Variants in GABRA1 observed in about 807,000 individuals in gnomAD.
The protein encoded by GABRA1 is gamma-aminobutyric acid receptor subunit alpha-1.
Under a neutral mutation model 48.9 loss-of-function variants are expected in GABRA1, and 9 were observed. The ratio of observed to expected loss-of-function variants is 0.18; its 90% CI spans 0.11 to 0.32. The LOEUF (loss-of-function observed/expected upper bound fraction) is 0.32, where lower values mean the gene tolerates loss of function less well. Among genes scored for constraint, GABRA1 ranks in the 10% least tolerant of loss-of-function variants. GABRA1 has a pLI of 1.00. For missense variants in GABRA1, 285 were observed against 553.8 expected, an observed-to-expected ratio of 0.51 and a Z score of 4.87; for synonymous variants, 210 against 198.7, an observed-to-expected ratio of 1.06 and a Z score of -0.48.
At chr5:161,885,804 C>G (rs1023013144) in intron 7 of GABRA1, among the ~76,000 whole-genome samples, 1 of 152,060 alleles carries the variant, frequency 6.6e-6, no homozygotes, top group Non-Finnish European at 1.5e-5. Flanking sequence ...AATAGGCAAA[C>G]GGGAAAGATG....
chr5:161,878,196 T>C (rs984884136), intron 6 of GABRA1, among the ~76,000 whole-genome samples: 1 of 152,148 alleles, frequency 6.6e-6, no homozygotes, highest in Non-Finnish European at 1.5e-5. Context: ...CTGTTTAAGC[T>C]TCAGAAAAGA....
intron 4 of GABRA1, among the ~76,000 whole-genome samples, chr5:161,869,826 A>G (rs1323293389): frequency 6.6e-6 from 1 of 152,040 alleles, no homozygotes; most frequent in East Asian, 1.9e-4. Flanking sequence ...GGAGAGGTTT[A>G]CCTTTGTCCA....
chr5:161,857,224 T>C (rs1757684356), intron 3 of GABRA1, among the ~76,000 whole-genome samples: 1 of 151,410 alleles, frequency 6.6e-6, no homozygotes. Context: ...ATGACAAAAG[T>C]CTTTTTTTAT....
chr5:161,857,018 C>T (rs2113319084), intron 3 of GABRA1, among the ~76,000 whole-genome samples: 1 of 151,062 alleles, frequency 6.6e-6, no homozygotes, highest in Non-Finnish European at 1.5e-5. Flanking sequence ...CAGTAGATCC[C>T]AATTGCAAAA....
intron 4 of GABRA1, among the ~76,000 whole-genome samples, chr5:161,869,823 T>C (rs2113369131): frequency 6.6e-6 from 1 of 152,096 alleles, no homozygotes; most frequent in Admixed American, 6.6e-5. Context: ...TTAGGAGAGG[T>C]TTACCTTTGT....
intron 3 of GABRA1, among the ~76,000 whole-genome samples, chr5:161,858,599 A>G (rs991813779): frequency 1.3e-5 from 2 of 151,738 alleles, no homozygotes; most frequent in South Asian, 4.1e-4. Flanking sequence ...TCTTCTGTAC[A>G]TATGCTCATT....
intron 8 of GABRA1, among the ~76,000 whole-genome samples, chr5:161,892,858 G>C (rs1008244762): frequency 6.6e-6 from 1 of 151,738 alleles, no homozygotes; most frequent in Non-Finnish European, 1.5e-5. Flanking sequence ...CAAAAAATTA[G>C]CTGGGTGTAG....
chr5:161,884,177 C>T (rs1268236176), intron 7 of GABRA1, among the ~76,000 whole-genome samples: 1 of 152,020 alleles, frequency 6.6e-6, no homozygotes, highest in Non-Finnish European at 1.5e-5. Context: ...TCCTGAAATA[C>T]CCCAGAACAT....
chr5:161,874,891 A>G (rs770512895), intron 5 of GABRA1, among the ~76,000 whole-genome samples: 1 of 152,140 alleles, frequency 6.6e-6, no homozygotes, highest in African/African-American at 2.4e-5. Flanking sequence ...CCAAAAAAAA[A>G]CAAAACAAAA....
At chr5:161,876,322 T>C (rs1313907107) in intron 6 of GABRA1, among the ~76,000 whole-genome samples, 4 of 152,068 alleles carry the variant, frequency 2.6e-5, no homozygotes, top group Non-Finnish European at 4.4e-5. Context: ...GAGAGTCAGG[T>C]TCTCCGGTCT....
At chr5:161,875,442 C>A (rs1026619191) in intron 5 of GABRA1, 118 bp from the exon 6 acceptor site, 1 of 807,368 alleles carries the variant, frequency 1.2e-6, no homozygotes, top group South Asian at 1.4e-5. Context: ...CTCAGCATAA[C>A]CCTGCAATTA....
chr5:161,854,242 T>C lies in GABRA1; in HGVS notation c.159T>C (p.Tyr53=), dbSNP rs775714231. ...TRILDRLLDG[Y]DNRLRPGLGE... is the part of the protein sequence containing the mutation. ...TTTTGGACAGACTCCTAGATGGTTA[T>C]GACAATCGCCTGAGACCAGGATTGG... is the stretch of plus-strand genomic sequence containing the variant. Residue 53 remains tyrosine (Y), a synonymous_variant, in exon 3 of 10, where the codon TAT becomes TAC. Transcript: ENST00000393943. 1.9e-6 allele frequency: 3 copies of C among 1,598,106 alleles called. No homozygotes were observed. The highest frequency in any genetic ancestry group is 2.6e-6 in the Non-Finnish European group (3 of 1,165,644).
At chr5:161,894,620 A>G (rs1337363017) in intron 8 of GABRA1, among the ~76,000 whole-genome samples, 1 of 152,170 alleles carries the variant, frequency 6.6e-6, no homozygotes, top group Non-Finnish European at 1.5e-5. Flanking sequence ...TTTCTACAAT[A>G]TGTAGCCTGA....
intron 4 of GABRA1, among the ~76,000 whole-genome samples, chr5:161,869,625 C>T (rs1344983470): frequency 6.6e-6 from 1 of 152,156 alleles, no homozygotes; most frequent in Non-Finnish European, 1.5e-5. Context: ...AAAATACACA[C>T]AGATGGTAAT....
At chr5:161,883,880 A>C (rs1014590493) in intron 7 of GABRA1, among the ~76,000 whole-genome samples, 1 of 149,678 alleles carries the variant, frequency 6.7e-6, no homozygotes, top group African/African-American at 2.5e-5. Flanking sequence ...TATGTGTTTT[A>C]TTTTTTTTTT....
At chr5:161,868,681 C>T (rs1419625300) in intron 4 of GABRA1, among the ~76,000 whole-genome samples, 2 of 152,038 alleles carry the variant, frequency 1.3e-5, no homozygotes, top group Non-Finnish European at 2.9e-5. Flanking sequence ...AGTCAATGTC[C>T]AATAGGAGTT....
At chr5:161,853,972 A>C (rs1757547742) in intron 2 of GABRA1, among the ~76,000 whole-genome samples, 186 bp from the exon 3 acceptor site, 1 of 151,856 alleles carries the variant, frequency 6.6e-6, no homozygotes. Context: ...AAAAACTGAA[A>C]ATTAAAAATA....
intron 4 of GABRA1, among the ~76,000 whole-genome samples, chr5:161,869,198 A>C (rs1197323889): frequency 6.6e-6 from 1 of 152,202 alleles, no homozygotes; most frequent in East Asian, 1.9e-4. Flanking sequence ...GTAGTTTTTA[A>C]AGTGAGAACT....
intron 3 of GABRA1, 151 bp downstream of exon 3, chr5:161,854,421 C>T: frequency 1.5e-6 from 1 of 663,942 alleles, no homozygotes; most frequent in Non-Finnish European, 2.7e-6. Context: ...TATGTTAATT[C>T]AAGTTACTCT....
Sources: gnomAD v4.1 joint callset for allele counts (sites outside exome capture counted in the v4.1 genomes callset) on GRCh38, gnomAD v4.1.1 for gene constraint, MANE v1.5 for transcripts, NCBI Gene and HGNC (gene_info 2026-07-23, HGNC 2026-07-21) for gene names.